TBC1D19: variants seen among roughly 807,000 people sequenced by gnomAD.
TBC1D19 encodes TBC1 domain family member 19.
Under a neutral mutation model 89.0 loss-of-function variants are expected in TBC1D19, and 60 were observed. That is an observed-to-expected ratio of 0.67 (90% CI 0.55 to 0.84). The LOEUF (loss-of-function observed/expected upper bound fraction) is 0.84, where lower values mean the gene tolerates loss of function less well. Ranked by LOEUF, TBC1D19 falls within the 40% of genes least tolerant of loss-of-function variation. TBC1D19 has a pLI of 0.00. For synonymous variants in TBC1D19, 189 were observed against 199.7 expected (o/e 0.95, Z 0.45); for missense variants, 500 against 610.8 (o/e 0.82, Z 1.91).
intron 15 of TBC1D19, among the ~76,000 whole-genome samples, chr4:26,734,977 CATATGTATATGTAT>C (rs1717904734): frequency 6.7e-6 from 1 of 149,616 alleles, no homozygotes; most frequent in Non-Finnish European, 1.5e-5. Flanking sequence ...TATGTATACA[CATATGTATATGTAT>C]ATATGTATAC....
the TBC1D19 span, among the ~76,000 whole-genome samples, chr4:26,789,873 C>A: frequency 6.6e-6 from 1 of 152,084 alleles, no homozygotes; most frequent in South Asian, 2.1e-4. Flanking sequence ...ATAATGAAAC[C>A]ATGTCTTTTG....
chr4:26,726,126 AACACACACACACACAC>A (rs56262902), intron 15 of TBC1D19, among the ~76,000 whole-genome samples: 828 of 127,172 alleles, frequency 6.5e-3, no homozygotes, highest in South Asian at 0.015. Flanking sequence ...CAATTCTCCC[AACACACACACACACAC>A]ACACACACAC....
the TBC1D19 span, among the ~76,000 whole-genome samples, chr4:26,847,939 G>A: frequency 6.6e-6 from 1 of 152,208 alleles, no homozygotes; most frequent in Admixed American, 6.5e-5. Flanking sequence ...AATATCAGGA[G>A]CATGGTTTTT....
At chr4:26,695,688 A>C (rs961669243) in intron 13 of TBC1D19, among the ~76,000 whole-genome samples, 4 of 152,214 alleles carry the variant, frequency 2.6e-5, no homozygotes, top group Non-Finnish European at 5.9e-5. Flanking sequence ...GCCAGAAGGG[A>C]GTGGGGGCCA....
chr4:26,757,419 CAT>C (rs1243670295), downstream of TBC1D19, among the ~76,000 whole-genome samples: 6 of 152,218 alleles, frequency 3.9e-5, no homozygotes, highest in African/African-American at 1.4e-4. Context: ...ACCCCCTTCA[CAT>C]CTGCTCTGCC....
chr4:26,851,361 C>CT, the TBC1D19 span, among the ~76,000 whole-genome samples: 14 of 135,048 alleles, frequency 1.0e-4, no homozygotes, highest in East Asian at 2.1e-4. Flanking sequence ...ATCTATCTAT[C>CT]ATCTATCCAT....
intron 4 of TBC1D19, among the ~76,000 whole-genome samples, chr4:26,623,353 G>T (rs565222709): frequency 6.6e-6 from 1 of 151,982 alleles, no homozygotes. Flanking sequence ...GATTCTTTTT[G>T]CTGTCTGCCA....
intron 9 of TBC1D19, among the ~76,000 whole-genome samples, chr4:26,670,108 A>G (rs1057112420): frequency 2.6e-5 from 4 of 151,672 alleles, no homozygotes; most frequent in Non-Finnish European, 4.4e-5. Context: ...TCATGCTATT[A>G]TAGTGTTCAC....
the TBC1D19 span, among the ~76,000 whole-genome samples, chr4:26,843,789 C>T: frequency 6.6e-6 from 1 of 152,144 alleles, no homozygotes; most frequent in South Asian, 2.1e-4. Flanking sequence ...AGCAGGGCAC[C>T]AGCACCTGCT....
At chr4:26,774,479 A>G in the TBC1D19 span, among the ~76,000 whole-genome samples, 2 of 152,146 alleles carry the variant, frequency 1.3e-5, no homozygotes, top group Admixed American at 1.3e-4. Context: ...CAATGTTGTC[A>G]TGGTATATCT....
At chr4:26,670,386 T>A (rs536703059) in intron 9 of TBC1D19, among the ~76,000 whole-genome samples, 62 of 151,728 alleles carry the variant, frequency 4.1e-4, no homozygotes, top group African/African-American at 1.4e-3. Flanking sequence ...AAAAAACAGC[T>A]TTATGGATTA....
the TBC1D19 span, among the ~76,000 whole-genome samples, chr4:26,848,332 C>CA: frequency 6.6e-6 from 1 of 152,186 alleles, no homozygotes; most frequent in African/African-American, 2.4e-5. Context: ...TCCAGCTTGT[C>CA]AACTACAGAC....
chr4:26,784,700 A>G, the TBC1D19 span, among the ~76,000 whole-genome samples: 2 of 152,176 alleles, frequency 1.3e-5, no homozygotes, highest in Non-Finnish European at 2.9e-5. Flanking sequence ...CAAAGCTCCT[A>G]AGGCCTCCAG....
chr4:26,725,276 G>T (rs1439634726), intron 15 of TBC1D19, among the ~76,000 whole-genome samples: 1 of 152,108 alleles, frequency 6.6e-6, no homozygotes, highest in Admixed American at 6.5e-5. Context: ...AAATTCCAGA[G>T]TTCAAAAAAG....
intron 7 of TBC1D19, among the ~76,000 whole-genome samples, chr4:26,642,827 A>G (rs1233766237): frequency 8.6e-6 from 1 of 115,772 alleles, no homozygotes; most frequent in African/African-American, 2.6e-5. Context: ...ATCAAAAGAG[A>G]CAAAGAAGGC....
At chr4:26,764,919 T>C in the TBC1D19 span, among the ~76,000 whole-genome samples, 1 of 152,138 alleles carries the variant, frequency 6.6e-6, no homozygotes, top group African/African-American at 2.4e-5. Flanking sequence ...CCATTTTTAT[T>C]GATGTAAAAA....
the TBC1D19 span, among the ~76,000 whole-genome samples, chr4:26,813,867 G>A: frequency 6.6e-6 from 1 of 152,152 alleles, no homozygotes; most frequent in Admixed American, 6.5e-5. Context: ...AGAACTGAGG[G>A]CCGGGAGAAC....
At chr4:26,628,625 A>C (rs890478356) in intron 4 of TBC1D19, among the ~76,000 whole-genome samples, 1 of 152,148 alleles carries the variant, frequency 6.6e-6, no homozygotes, top group Non-Finnish European at 1.5e-5. Flanking sequence ...GTCTCAGCCC[A>C]AAATCTCCTT....
At chr4:26,601,368 T>G (rs1359449492) in intron 1 of TBC1D19, among the ~76,000 whole-genome samples, 1 of 152,206 alleles carries the variant, frequency 6.6e-6, no homozygotes, top group Non-Finnish European at 1.5e-5. Context: ...TGGAATTTTC[T>G]TCCTTTTTAA....
Sources: gnomAD v4.1 joint callset for allele counts (sites outside exome capture counted in the v4.1 genomes callset) on GRCh38, gnomAD v4.1.1 for gene constraint, MANE v1.5 for transcripts, NCBI Gene and HGNC (gene_info 2026-07-23, HGNC 2026-07-21) for gene names.